CLVS1: variants seen among roughly 807,000 people sequenced by gnomAD.
CLVS1 encodes the protein clavesin-1.
Under a neutral mutation model 33.1 loss-of-function variants are expected in CLVS1, and 10 were observed. The observed-to-expected ratio is 0.30, with a 90% CI of 0.19 to 0.51. CLVS1 has a LOEUF of 0.51. Ranked by LOEUF, CLVS1 falls within the 20% of genes least tolerant of loss-of-function variation. The pLI, the probability that CLVS1 is intolerant of heterozygous loss-of-function variation, is 0.97. For synonymous variants in CLVS1, 163 were observed against 166.1 expected, an observed-to-expected ratio of 0.98 and a Z score of 0.14; for missense variants, 343 against 433.4, an observed-to-expected ratio of 0.79 and a Z score of 1.85.
chr8:61,187,977 C>T (rs3852342), intron 2 of CLVS1, among the ~76,000 whole-genome samples: 15,692 of 151,810 alleles, frequency 0.1, 1,345 homozygotes, highest in African/African-American at 0.24. Flanking sequence ...AGAACAGCAA[C>T]GCAGAAAAAT....
intron 2 of CLVS1, among the ~76,000 whole-genome samples, chr8:61,146,674 A>C (rs193102654): frequency 6.6e-6 from 1 of 152,264 alleles, no homozygotes; most frequent in Non-Finnish European, 1.5e-5. Context: ...GCCTAATAAC[A>C]TATGGCACAG....
intron 2 of CLVS1, among the ~76,000 whole-genome samples, chr8:61,157,165 G>A: frequency 6.6e-6 from 1 of 152,118 alleles, no homozygotes; most frequent in Non-Finnish European, 1.5e-5. Context: ...TCCCTAAGCT[G>A]AACTCTGGAT....
chr8:61,437,560 A>G (rs1816378944), intron 3 of CLVS1, among the ~76,000 whole-genome samples: 1 of 152,260 alleles, frequency 6.6e-6, no homozygotes, highest in South Asian at 2.1e-4. Flanking sequence ...AAGGCAATTT[A>G]TAATAAGTAC....
At chr8:61,186,921 C>T (rs1210887210) in intron 2 of CLVS1, among the ~76,000 whole-genome samples, 1 of 152,132 alleles carries the variant, frequency 6.6e-6, no homozygotes, top group Non-Finnish European at 1.5e-5. Context: ...TTAAAAATAG[C>T]CTCATTGCTC....
chr8:61,360,812 C>A (rs1392962807), intron 2 of CLVS1, among the ~76,000 whole-genome samples: 1 of 152,028 alleles, frequency 6.6e-6, no homozygotes, highest in Non-Finnish European at 1.5e-5. Flanking sequence ...AAATAATAAG[C>A]AATAAATGCT....
chr8:61,055,771 A>AACT (rs1262075616), upstream of CLVS1, among the ~76,000 whole-genome samples: 1 of 152,232 alleles, frequency 6.6e-6, no homozygotes, highest in Non-Finnish European at 1.5e-5. Context: ...AGGGAGTGTA[A>AACT]ACTACTACAA....
chr8:61,014,799 A>T, the CLVS1 span, among the ~76,000 whole-genome samples: 1 of 152,270 alleles, frequency 6.6e-6, no homozygotes, highest in African/African-American at 2.4e-5. Context: ...GACACAGCAT[A>T]GTTGGGCAAA....
intron 3 of CLVS1, among the ~76,000 whole-genome samples, chr8:61,388,290 T>C (rs1814164579): frequency 6.6e-6 from 1 of 150,618 alleles, no homozygotes; most frequent in Admixed American, 6.6e-5. Context: ...TGACCACTTA[T>C]GTCATGGTGT....
At chr8:61,475,669 T>C (rs1395674713) in intron 5 of CLVS1, among the ~76,000 whole-genome samples, 1 of 152,228 alleles carries the variant, frequency 6.6e-6, no homozygotes, top group Non-Finnish European at 1.5e-5. Context: ...TAAATTTGTT[T>C]GAGTTCATTG....
At chr8:61,440,798 C>T (rs1316916766) in intron 3 of CLVS1, among the ~76,000 whole-genome samples, 1 of 152,206 alleles carries the variant, frequency 6.6e-6, no homozygotes, top group Non-Finnish European at 1.5e-5. Context: ...CAAAGGAACA[C>T]TGGGTTGGTA....
chr8:61,084,174 T>C (rs1805076565), intron 1 of CLVS1, among the ~76,000 whole-genome samples: 2 of 152,220 alleles, frequency 1.3e-5, no homozygotes, highest in Non-Finnish European at 2.9e-5. Context: ...TTTTCAAGGA[T>C]TGAAGACTAT....
At chr8:61,071,089 A>C (rs1163447580) in intron 1 of CLVS1, among the ~76,000 whole-genome samples, 1 of 152,204 alleles carries the variant, frequency 6.6e-6, no homozygotes, top group African/African-American at 2.4e-5. Context: ...TATGCAGTGG[A>C]AGCAGCAGTA....
At chr8:61,401,990 A>G (rs1254969879) in intron 3 of CLVS1, among the ~76,000 whole-genome samples, 30 of 152,230 alleles carry the variant, frequency 2.0e-4, no homozygotes, top group Non-Finnish European at 4.4e-5. Flanking sequence ...CTGCCTCTTC[A>G]AGTAGAGTAA....
chr8:61,106,694 T>G (rs1255534977), intron 1 of CLVS1, among the ~76,000 whole-genome samples: 1 of 152,152 alleles, frequency 6.6e-6, no homozygotes, highest in Non-Finnish European at 1.5e-5. Context: ...CCCACGGAGA[T>G]GCCTGGATTT....
the CLVS1 span, among the ~76,000 whole-genome samples, chr8:61,004,136 C>T: frequency 6.6e-6 from 1 of 152,242 alleles, no homozygotes; most frequent in Admixed American, 6.5e-5. Flanking sequence ...GCTAATAATG[C>T]CGACCTGGCA....
At chr8:61,183,263 C>T (rs1038318039) in intron 2 of CLVS1, among the ~76,000 whole-genome samples, 2 of 152,124 alleles carry the variant, frequency 1.3e-5, no homozygotes, top group African/African-American at 2.4e-5. Flanking sequence ...CCATGGCACA[C>T]GTTTACCTGT....
intron 3 of CLVS1, among the ~76,000 whole-genome samples, chr8:61,451,641 C>T (rs1204766545): frequency 1.3e-5 from 2 of 152,030 alleles, no homozygotes; most frequent in African/African-American, 2.4e-5. Context: ...GGCGGTAGGC[C>T]TCTTGGGGTT....
At chr8:61,458,628 G>C in intron 5 of CLVS1, 86 bp downstream of exon 5, 1 of 835,738 alleles carries the variant, frequency 1.2e-6, no homozygotes, top group Non-Finnish European at 1.8e-6. Context: ...ATTAATTAAA[G>C]ACCTTTATGG....
chr8:61,021,464 C>T, the CLVS1 span, among the ~76,000 whole-genome samples: 1 of 152,142 alleles, frequency 6.6e-6, no homozygotes, highest in Non-Finnish European at 1.5e-5. Context: ...GATTCCCTTG[C>T]CTCAGCCTCC....
Sources: gnomAD v4.1 joint callset for allele counts (sites outside exome capture counted in the v4.1 genomes callset) on GRCh38, gnomAD v4.1.1 for gene constraint, MANE v1.5 for transcripts, NCBI Gene and HGNC (gene_info 2026-07-23, HGNC 2026-07-21) for gene names.